Variants in RPL13 observed in about 807,000 individuals in gnomAD.
The protein encoded by RPL13 is ribosomal protein L13, also known as large ribosomal subunit protein eL13.
Under a neutral mutation model 21.4 loss-of-function variants are expected in RPL13, and 1 was observed. The ratio of observed to expected loss-of-function variants is 0.05; its 90% CI spans 0.02 to 0.22. The LOEUF (loss-of-function observed/expected upper bound fraction) is 0.22, where lower values mean the gene tolerates loss of function less well. Among genes scored for constraint, RPL13 ranks in the 10% least tolerant of loss-of-function variants. The pLI is 1.00. For missense variants in RPL13, 289 were observed against 303.0 expected, an observed-to-expected ratio of 0.95 and a Z score of 0.34; for synonymous variants, 143 against 120.5, an observed-to-expected ratio of 1.19 and a Z score of -1.23.
intron 5 of RPL13, 33 bp from the exon 6 acceptor site, chr16:89,562,851 A>G (rs1160541885): frequency 3.3e-6 from 5 of 1,502,436 alleles, no homozygotes; most frequent in East Asian, 2.5e-5. Flanking sequence ...CCTTTGGTGC[A>G]TGTGGGTTTA....
At chr16:89,561,418 G>A in intron 3 of RPL13, 50 bp downstream of exon 3, 1 of 1,612,608 alleles carries the variant, frequency 6.2e-7, no homozygotes, top group Non-Finnish European at 8.5e-7. Flanking sequence ...AGTCCCCTCT[G>A]TTGGCCTCAG....
downstream of RPL13, chr16:89,566,656 C>T (rs2058793904): frequency 6.7e-6 from 1 of 149,964 alleles, no homozygotes; most frequent in Non-Finnish European, 1.5e-5. Context: ...AGAGCGAGAC[C>T]CTATCTCAGG....
Position 89,563,192 on chromosome 16 carries a change from C to A in RPL13, c.*150C>A. 1 of 688,372 alleles carries A rather than the reference C, an allele frequency of 1.5e-6. No individual in the cohort carries two copies. Among genetic ancestry groups the A allele is most frequent in the Non-Finnish European group, 2.2e-6 (1 of 458,034 alleles). 42.6% of individuals were successfully genotyped at this position (688,372 alleles called of 1,614,324 possible). A position where few individuals can be genotyped will look rare whatever the true frequency, so the allele number is the denominator to read the frequency against. The stretch of plus-strand genomic sequence containing the variant: ...GGGCTTTCTTGAAAGACAGTCCAAG[C>A]CCTGGATAATGCTTTACTTTCTGTG... On this transcript the variant is annotated 3_prime_UTR_variant, in exon 6 of 6. Coordinates refer to ENST00000311528, the MANE Select transcript of RPL13 (RefSeq NM_000977.4).
intron 5 of RPL13, 149 bp downstream of exon 5, chr16:89,562,540 C>G (rs766812099): frequency 3.4e-5 from 24 of 700,328 alleles, no homozygotes; most frequent in Middle Eastern, 2.4e-4. Flanking sequence ...AACATTTCTT[C>G]TTAGTTTTTA....
downstream of RPL13, chr16:89,564,838 A>T (rs562999768): frequency 6.5e-6 from 1 of 152,858 alleles, no homozygotes; most frequent in Non-Finnish European, 1.5e-5. Context: ...GCACTAGGGG[A>T]AGGGCCTTTC....
chr16:89,561,721 G>A lies in RPL13; in HGVS notation c.390G>A (p.Lys130=). ...YRSKLILFPR[K]PSAPKKGDSS... ...CCAAACTCATCCTCTTCCCCAGGAAGCCCTCGGCCCCCAAGAAGGGAGACA... is the reference window on the plus strand; with the variant it reads ...CCAAACTCATCCTCTTCCCCAGGAAACCCTCGGCCCCCAAGAAGGGAGACA... Residue 130 remains lysine, a synonymous_variant, in exon 4 of 6, where the codon AAG becomes AAA. Coordinates refer to ENST00000311528, the MANE Select transcript of RPL13 (RefSeq NM_000977.4). The A allele has an allele frequency of 6.2e-7, 1 of 1,613,820 alleles. No homozygotes were observed. Among genetic ancestry groups the A allele is most frequent in the Non-Finnish European group, 8.5e-7 (1 of 1,180,010 alleles).
intron 5 of RPL13, 181 bp downstream of exon 5, chr16:89,562,572 T>C (rs1340758997): frequency 4.9e-6 from 3 of 609,960 alleles, no homozygotes; most frequent in Non-Finnish European, 8.4e-6. Flanking sequence ...CATGAAGCCA[T>C]ACATTGGGAA....
rs879599551 is a variant in RPL13, at chr16:89,560,691, C to G, written c.-42C>G. The stretch of plus-strand genomic sequence containing the variant: ...ATTGCGGGGCCGCTTCCTTTCCGCT[C>G]GGCTGTTTTCCTGCGCAGGAGGTGA... On this transcript the variant is annotated 5_prime_UTR_variant, in exon 1 of 6. Coordinates refer to ENST00000311528, the MANE Select transcript of RPL13 (RefSeq NM_000977.4). The G allele has an allele frequency of 8.0e-5, 32 of 399,042 alleles. No individual in the cohort carries two copies. Among genetic ancestry groups the G allele is most frequent in the Middle Eastern group, 6.6e-4 (1 of 1,510 alleles). 24.7% of individuals were successfully genotyped at this position (399,042 alleles called of 1,614,324 possible). A position where few individuals can be genotyped will look rare whatever the true frequency, so the allele number is the denominator to read the frequency against.
rs560715880 is a variant in RPL13, at chr16:89,563,697, G to C, written c.*655G>C. 6.6e-6 allele frequency: 1 copy of C among 152,320 alleles called. No individual in the cohort carries two copies. The highest frequency in any genetic ancestry group is 2.4e-5 in the African/African-American group (1 of 41,556). The allele number at this position is 152,320 out of a possible 1,614,324, so 9.4% of individuals were successfully genotyped here. A position where few individuals can be genotyped will look rare whatever the true frequency, so the allele number is the denominator to read the frequency against. ...CTCCCTCAGCCTCCCAAGTAGAGGGGTTTATAGGCACGAGACCCTGCACCC... is the reference window on the plus strand; with the variant it reads ...CTCCCTCAGCCTCCCAAGTAGAGGGCTTTATAGGCACGAGACCCTGCACCC... On this transcript the variant is annotated 3_prime_UTR_variant, in exon 6 of 6. Transcript: ENST00000311528.
upstream of RPL13, chr16:89,560,672 G>A (rs936634046): frequency 3.7e-5 from 13 of 353,732 alleles, no homozygotes; most frequent in Admixed American, 3.0e-4. Context: ...GTGCATTGCG[G>A]GGCCGCTTCC....
chr16:89,564,468 G>C lies in RPL13; in HGVS notation c.*1426G>C, dbSNP rs1173084948. On this transcript the variant is annotated 3_prime_UTR_variant, in exon 6 of 6. Transcript: ENST00000311528. The stretch of plus-strand genomic sequence containing the variant: ...CTCACGCCTGTAATCCTAACACTGG[G>C]AGGCCGAGGCGGGTGGATCACCTGA... 6.6e-6 allele frequency: 1 copy of C among 152,218 alleles called. No homozygotes were observed. The highest frequency in any genetic ancestry group is 1.5e-5 in the Non-Finnish European group (1 of 68,056). The allele number at this position is 152,218 out of a possible 1,614,324, so 9.4% of individuals were successfully genotyped here.
intron 4 of RPL13, 64 bp downstream of exon 4, chr16:89,561,815 G>A: frequency 6.5e-7 from 1 of 1,550,338 alleles, no homozygotes. Context: ...TCCTTTATCA[G>A]TGACACCGGT....
rs371100236 is a variant in RPL13, at chr16:89,561,565, G to C, written c.247-13G>C. 6.2e-7 allele frequency: 1 copy of C among 1,613,458 alleles called. No homozygotes were observed. Among genetic ancestry groups the C allele is most frequent in the East Asian group, 2.2e-5 (1 of 44,886 alleles). ...CCCGGGCCTGTCTCCATCTCTCTCT[G>C]GTTCTGGGGCAGGTGGCCGGCATTC... is the stretch of plus-strand genomic sequence containing the variant. On this transcript the variant is annotated splice_polypyrimidine_tract_variant and intron_variant, in intron 3 of 5. Transcript: ENST00000311528.
intron 4 of RPL13, 178 bp from the exon 5 acceptor site, chr16:89,562,157 A>G (rs1347569172): frequency 1.1e-5 from 7 of 655,938 alleles, no homozygotes; most frequent in Non-Finnish European, 1.9e-5. Flanking sequence ...TCAGTAAGAT[A>G]TAGTCACCTA....
chr16:89,561,097 C>G, intron 2 of RPL13, 34 bp downstream of exon 2: 1 of 1,572,698 alleles, frequency 6.4e-7, no homozygotes, highest in African/African-American at 1.4e-5. Context: ...CCCTGGGGCT[C>G]GTGCCCGCGG....
At chr16:89,562,270 A>G (rs2058750706) in intron 4 of RPL13, 65 bp from the exon 5 acceptor site, 1 of 1,511,186 alleles carries the variant, frequency 6.6e-7, no homozygotes, top group Non-Finnish European at 9.2e-7. Flanking sequence ...GTTTGGGGCC[A>G]GGTGAGGGTG....
At position 89,564,412 on chromosome 16, in the gene RPL13, A is replaced by T. The variant is rs2058768051; in HGVS notation, c.*1370A>T. 1 of 152,184 alleles carries T rather than the reference A, an allele frequency of 6.6e-6. No individual in the cohort carries two copies. The highest frequency in any genetic ancestry group is 1.5e-5 in the Non-Finnish European group (1 of 68,034). The allele number at this position is 152,184 out of a possible 1,614,324, so 9.4% of individuals were successfully genotyped here. On this transcript the variant is annotated 3_prime_UTR_variant, in exon 6 of 6. Transcript: ENST00000311528. ...TTTGTATGTTTGGGACTCTTGTCCT[A>T]TGTAAAGTTAAGGTGGGCCGGGTGC...
downstream of RPL13, chr16:89,564,547 C>T (rs1388418183): frequency 3.9e-5 from 6 of 152,138 alleles, no homozygotes; most frequent in Admixed American, 6.5e-5. Context: ...TGGTGACACA[C>T]GCCTGTAATC....
chr16:89,561,565 G>T lies in RPL13; in HGVS notation c.247-13G>T, dbSNP rs371100236. 295 of 1,613,458 alleles carry T rather than the reference G, an allele frequency of 1.8e-4. 1 individual carries two copies. The highest frequency in any genetic ancestry group is 2.4e-4 in the Non-Finnish European group (281 of 1,180,042). ...CCCGGGCCTGTCTCCATCTCTCTCT[G>T]GTTCTGGGGCAGGTGGCCGGCATTC... On this transcript the variant is annotated splice_polypyrimidine_tract_variant and intron_variant, in intron 3 of 5. Coordinates refer to ENST00000311528, the MANE Select transcript of RPL13 (RefSeq NM_000977.4).
Sources: allele counts gnomAD v4.1 joint callset, GRCh38; gene constraint gnomAD v4.1.1; transcripts MANE v1.5; gene names NCBI Gene and HGNC (gene_info 2026-07-23, HGNC 2026-07-21).